Variants in ANP32E observed in about 807,000 individuals in gnomAD.
ANP32E encodes the protein acidic leucine-rich nuclear phosphoprotein 32 family member E.
ANP32E carries 14 observed loss-of-function variants against 35.3 expected under a neutral mutation model. The ratio of observed to expected loss-of-function variants is 0.40; its 90% confidence interval spans 0.26 to 0.62. The LOEUF (loss-of-function observed/expected upper bound fraction) is 0.62. Ranked by LOEUF, ANP32E falls within the 20% of genes least tolerant of loss-of-function variation. The pLI is 0.45. For synonymous variants in ANP32E, 89 were observed against 110.4 expected, an observed-to-expected ratio of 0.81 and a Z score of 1.22; for missense variants, 198 against 304.4, an observed-to-expected ratio of 0.65 and a Z score of 2.60.
rs587652198 is a variant in ANP32E at position 150,235,507 on chromosome 1, C to A, written c.54+226G>T. ...TCGATGAAAGCCGAAAGGAGCTAAG[C>A]CCCCATGCACACACAAAAACGCCCC... On this transcript the variant is annotated intron_variant, in intron 1 of 6. Coordinates refer to ENST00000583931, the MANE Select transcript of ANP32E (RefSeq NM_030920.5). The surrounding 1 kb of genome is among the most constrained non-coding windows in gnomAD (Gnocchi z 4.2). 1.3e-3 allele frequency among the ~76,000 whole-genome samples: 200 copies of A among 152,316 alleles called. No homozygotes were observed. The highest frequency in any genetic ancestry group is 2.1e-3 in the Non-Finnish European group (146 of 68,024).
At chr1:150,229,298 C>CTT (rs368884324) in intron 3 of ANP32E, 61 bp from the exon 4 acceptor site, 195,088 of 427,534 alleles carry the variant, frequency 0.46, 28,302 homozygotes, top group Admixed American at 0.57. Context: ...TTTCTTTTTT[C>CTT]TTTTTTTTTT....
intron 6 of ANP32E, among the ~76,000 whole-genome samples, chr1:150,221,598 G>GA (rs1648406240): frequency 7.0e-5 from 7 of 100,462 alleles, no homozygotes; most frequent in East Asian, 5.4e-4. Flanking sequence ...GGGAGGGAGG[G>GA]AGGGAGGGAA....
At chr1:150,226,569 G>T in intron 5 of ANP32E, 39 bp downstream of exon 5, 1 of 1,603,750 alleles carries the variant, frequency 6.2e-7, no homozygotes, top group Non-Finnish European at 8.5e-7. Flanking sequence ...CCTATGCCTA[G>T]AAATTAATTT....
Position 150,226,652 on chromosome 1 carries a change from C to T in ANP32E, c.637G>A (p.Glu213Lys), listed in dbSNP as rs1553840102. Residue 213 changes from glutamate (E) to lysine (K), a missense_variant, in exon 5 of 7, where the codon GAA becomes AAA. By Grantham distance (56) the Glu-to-Lys change is moderately conservative (BLOSUM62 1). Coordinates refer to ENST00000583931, the MANE Select transcript of ANP32E (RefSeq NM_030920.5). ...AAGTATGAGAGGCCCACTTCCTCTT[C>T]TCCCTCTCCCAACTCTGAACCTGCT... ...DEAGSELGEGEEEVGLSYLMK... is the reference protein window; with the variant it reads ...DEAGSELGEGKEEVGLSYLMK... The T allele has an allele frequency of 1.2e-6, 2 of 1,613,150 alleles. No individual in the cohort carries two copies. The highest frequency in any genetic ancestry group is 2.2e-5 in the East Asian group (1 of 44,842).
chr1:150,229,993 T>C (rs1649228169), intron 3 of ANP32E, among the ~76,000 whole-genome samples: 1 of 152,348 alleles, frequency 6.6e-6, no homozygotes, highest in East Asian at 1.9e-4. Flanking sequence ...AGTTTTATAA[T>C]GAAGGGTTAT....
At chr1:150,234,762 G>C in intron 1 of ANP32E, 1 of 781,236 alleles carries the variant, frequency 1.3e-6, no homozygotes, top group Non-Finnish European at 1.6e-6. Flanking sequence ...CTTCGCCCTG[G>C]GTAGGTGAGG....
At chr1:150,223,516 A>C (rs2101763741) in intron 5 of ANP32E, among the ~76,000 whole-genome samples, 1 of 151,864 alleles carries the variant, frequency 6.6e-6, no homozygotes, top group East Asian at 2.0e-4. Flanking sequence ...CCCTATCTCT[A>C]CTAAAAATAC....
rs1409069487 is a variant in ANP32E at position 150,236,001 on chromosome 1, T to C, written c.-215A>G. 1 of 570,952 alleles carries C rather than the reference T, an allele frequency of 1.8e-6. No homozygotes were observed. Among genetic ancestry groups the C allele is most frequent in the Non-Finnish European group, 3.1e-6 (1 of 318,480 alleles). 35.4% of individuals were successfully genotyped at this position (570,952 alleles called of 1,614,324 possible). On this transcript the variant is annotated 5_prime_UTR_variant, in exon 1 of 7. Coordinates refer to ENST00000583931, the MANE Select transcript of ANP32E (RefSeq NM_030920.5). ...TCTAACTCAGCTGCCCCCACCTCCT[T>C]GTCCACACACTAGCGCGCGCACACA... is the stretch of plus-strand genomic sequence containing the variant.
At chr1:150,228,718 G>A (rs1051054315) in intron 4 of ANP32E, among the ~76,000 whole-genome samples, 2 of 149,718 alleles carry the variant, frequency 1.3e-5, no homozygotes, top group Admixed American at 6.7e-5. Context: ...AAAAAATTCC[G>A]TTCATCAGTT....
rs1648183910 is a variant in ANP32E, at chr1:150,219,653, T to C, written c.*1038A>G. 2.0e-5 allele frequency: 3 copies of C among 152,170 alleles called. No homozygotes were observed. The East Asian group carries it at 5.8e-4, about 29-fold the overall frequency. The allele number at this position is 152,170 out of a possible 1,614,324, so 9.4% of individuals were successfully genotyped here. ...GCTTCCAAAAGCACCCCTGCTTTTC[T>C]TTCTTCATCCCACTAATATTGTCTT... On this transcript the variant is annotated 3_prime_UTR_variant, in exon 7 of 7. Coordinates refer to ENST00000583931, the MANE Select transcript of ANP32E (RefSeq NM_030920.5).
chr1:150,227,915 A>G (rs1368537647), intron 4 of ANP32E, among the ~76,000 whole-genome samples: 2 of 150,956 alleles, frequency 1.3e-5, no homozygotes, highest in Admixed American at 1.3e-4. Context: ...TATGCTCACA[A>G]TATACTTCTA....
At chr1:150,234,052 A>T (rs1292982760) in intron 1 of ANP32E, among the ~76,000 whole-genome samples, 2 of 152,188 alleles carry the variant, frequency 1.3e-5, no homozygotes, top group African/African-American at 2.4e-5. Flanking sequence ...AGTAAATAAC[A>T]AACGGGTAAA....
At position 150,227,618 on chromosome 1, in the gene ANP32E, G is replaced by A. The variant is rs116635247; in HGVS notation, c.494-823C>T. Among the ~76,000 whole-genome samples the A allele has an allele frequency of 9.5e-3, 1,439 of 151,504 alleles. 11 individuals carry two copies. The highest frequency in any genetic ancestry group is 0.019 in the South Asian group (91 of 4,756). On this transcript the variant is annotated intron_variant, in intron 4 of 6. Coordinates refer to ENST00000583931, the MANE Select transcript of ANP32E (RefSeq NM_030920.5). ...AAAGAGGGGAAGGAGGGTGGCTGAA[G>A]AACTACCTATTAGGCACTATGTTCA...
intron 5 of ANP32E, among the ~76,000 whole-genome samples, chr1:150,223,960 GTCTCAAAC>G (rs1553839052): frequency 6.6e-6 from 1 of 151,820 alleles, no homozygotes; most frequent in Non-Finnish European, 1.5e-5. Context: ...GGTCAGGCTG[GTCTCAAAC>G]TCCCGACCTC....
intron 1 of ANP32E, among the ~76,000 whole-genome samples, chr1:150,233,950 C>T (rs1452754253): frequency 6.6e-6 from 1 of 151,966 alleles, no homozygotes; most frequent in African/African-American, 2.4e-5. Context: ...ACCAGTTCCT[C>T]CACTTCTGTA....
At position 150,221,213 on chromosome 1, in the gene ANP32E, G is replaced by A. The variant is rs1330331191; in HGVS notation, c.737-452C>T. Among the ~76,000 whole-genome samples, 7 of 150,844 alleles carry A rather than the reference G, an allele frequency of 4.6e-5. No homozygotes were observed. In the Middle Eastern group the frequency reaches 0.011, roughly 228 times the overall value. On this transcript the variant is annotated intron_variant, in intron 6 of 6. Coordinates refer to ENST00000583931, the MANE Select transcript of ANP32E (RefSeq NM_030920.5). ...AATACCTTGGGAGGCCGAGCCAGGC[G>A]GATCACTTAAGGTCAGGAGTTGGAG...
intron 6 of ANP32E, among the ~76,000 whole-genome samples, chr1:150,221,020 AG>A (rs1339498997): frequency 6.7e-6 from 1 of 149,584 alleles, no homozygotes; most frequent in Non-Finnish European, 1.5e-5. Flanking sequence ...CCAGAGGCTA[AG>A]GAAGAATTCC....
At chr1:150,230,358 A>G (rs190301668) in intron 3 of ANP32E, among the ~76,000 whole-genome samples, 1 of 152,292 alleles carries the variant, frequency 6.6e-6, no homozygotes, top group African/African-American at 2.4e-5. Context: ...CAGATAGTCA[A>G]CTCCTGAAGT....
chr1:150,230,814 T>C (rs1649294912), intron 2 of ANP32E, 121 bp from the exon 3 acceptor site: 1 of 854,848 alleles, frequency 1.2e-6, no homozygotes, highest in Non-Finnish European at 1.7e-6. Context: ...CGATCTCCAC[T>C]CACTGCAACC....
Sources: gnomAD v4.1 joint callset for allele counts (sites outside exome capture counted in the v4.1 genomes callset) on GRCh38, gnomAD v4.1.1 for gene constraint, Gnocchi (gnomAD v3.1) non-coding constraint, MANE v1.5 for transcripts, NCBI Gene and HGNC (gene_info 2026-07-23, HGNC 2026-07-21) for gene names.